The following CEP44 variants were observed in gnomAD, a reference collection of about 807,000 sequenced individuals.
CEP44 encodes centrosomal protein 44.
Under a neutral mutation model 46.7 loss-of-function variants are expected in CEP44, and 45 were observed. The observed-to-expected ratio is 0.96, with a 90% CI of 0.76 to 1.24. CEP44 has a LOEUF of 1.24. CEP44 is among the 50% of genes most tolerant of loss of function. CEP44 has a pLI of 0.00. For synonymous variants in CEP44, 142 were observed against 146.0 expected, an observed-to-expected ratio of 0.97 and a Z score of 0.20; for missense variants, 475 against 459.7, an observed-to-expected ratio of 1.03 and a Z score of -0.30.
chr4:174,303,406 C>T (rs1739987897), intron 4 of CEP44, among the ~76,000 whole-genome samples: 1 of 152,122 alleles, frequency 6.6e-6, no homozygotes, highest in South Asian at 2.1e-4. Context: ...AGAAGTTTTT[C>T]TAATATCTCT....
rs771488885 is a variant in CEP44 at position 174,317,423 on chromosome 4, A to G, written c.*40A>G. 1.5e-6 allele frequency: 2 copies of G among 1,355,474 alleles called. No individual in the cohort carries two copies. Among genetic ancestry groups the G allele is most frequent in the East Asian group, 2.6e-5 (1 of 38,688 alleles). The allele number at this position is 1,355,474 out of a possible 1,614,324, so 84.0% of individuals were successfully genotyped here. On this transcript the variant is annotated 3_prime_UTR_variant, in exon 12 of 12. Coordinates refer to ENST00000503780, the MANE Select transcript of CEP44 (RefSeq NM_001040157.3). ...ACTTTTTTCTAGGACTTTGGTTACT[A>G]TACATATTGTATATTTTAAGAATTC...
rs897587345 is a variant in CEP44, at chr4:174,309,629, T to G, written c.679-221T>G. On this transcript the variant is annotated intron_variant, in intron 7 of 11. Coordinates refer to ENST00000503780, the MANE Select transcript of CEP44 (RefSeq NM_001040157.3). The surrounding 1 kb of genome is among the most constrained non-coding windows in gnomAD (Gnocchi z 5.3). ...GAATCATATGAAATAGATACTGCTCTTATCTCTTTTTTTTTAATGAGGAAA... is the reference window on the plus strand; with the variant it reads ...GAATCATATGAAATAGATACTGCTCGTATCTCTTTTTTTTTAATGAGGAAA... Among the ~76,000 whole-genome samples, 2 of 151,856 alleles carry G rather than the reference T, an allele frequency of 1.3e-5. No individual in the cohort carries two copies. Among genetic ancestry groups the G allele is most frequent in the Admixed American group, 1.3e-4 (2 of 15,198 alleles).
At chr4:174,328,920 G>A (rs1731161146) in intron 8 of CEP44, among the ~76,000 whole-genome samples, 1 of 151,924 alleles carries the variant, frequency 6.6e-6, no homozygotes, top group Non-Finnish European at 1.5e-5. Context: ...AGATCAGTGT[G>A]TACAAGAGTA....
At chr4:174,306,077 G>A (rs1579117465) in intron 6 of CEP44, among the ~76,000 whole-genome samples, 1 of 152,060 alleles carries the variant, frequency 6.6e-6, no homozygotes, top group East Asian at 1.9e-4. Flanking sequence ...CAATATTAAA[G>A]CAAATTGTCT....
At chr4:174,313,787 G>T (rs1741362449) in intron 9 of CEP44, among the ~76,000 whole-genome samples, 1 of 152,096 alleles carries the variant, frequency 6.6e-6, no homozygotes, top group East Asian at 1.9e-4. Context: ...GTGAAGGAGA[G>T]TAAGGAAGGT....
chr4:174,292,780 A>G (rs11942947), intron 1 of CEP44, among the ~76,000 whole-genome samples: 68,244 of 151,264 alleles, frequency 0.45, 16,137 homozygotes, highest in Non-Finnish European at 0.49. Flanking sequence ...TTTTTATTTC[A>G]TTTTCTATCT....
chr4:174,324,377 CAT>C (rs1273894121), downstream of CEP44, among the ~76,000 whole-genome samples: 1 of 152,098 alleles, frequency 6.6e-6, no homozygotes, highest in Non-Finnish European at 1.5e-5. Flanking sequence ...TCTCTGGACA[CAT>C]GTTTTTACCT....
intron 1 of CEP44, among the ~76,000 whole-genome samples, chr4:174,295,938 G>A (rs1011846865): frequency 2.0e-5 from 3 of 152,052 alleles, no homozygotes; most frequent in African/African-American, 7.2e-5. Flanking sequence ...CTTTTTCTAC[G>A]TCCGTTGATA....
In CEP44 at chr4:174,288,577, C is replaced by T. The variant is rs1198023854; in HGVS notation, c.-148+4634C>T. Among the ~76,000 whole-genome samples the T allele has an allele frequency of 6.6e-6, 1 of 152,124 alleles. No individual in the cohort carries two copies. The highest frequency in any genetic ancestry group is 1.5e-5 in the Non-Finnish European group (1 of 68,024). ...CACTTAGCATAATGTCCTTCAGGTT[C>T]ATCCATGTTGTTGCAAATGGCAGGA... is the stretch of plus-strand genomic sequence containing the variant. On this transcript the variant is annotated intron_variant, in intron 1 of 11. Transcript: ENST00000503780. The surrounding 1 kb of genome is among the most constrained non-coding windows in gnomAD (Gnocchi z 4.6).
rs1260804663 is a variant in CEP44, at chr4:174,317,863, AAAAC to A, written c.*484_*487del. The A allele has an allele frequency of 8.1e-6, 8 of 985,712 alleles. No homozygotes were observed. In the African/African-American group the frequency reaches 1.4e-4, roughly 17 times the overall value. The allele number at this position is 985,712 out of a possible 1,614,324, so 61.1% of individuals were successfully genotyped here. A position where few individuals can be genotyped will look rare whatever the true frequency, so the allele number is the denominator to read the frequency against. On this transcript the variant is annotated 3_prime_UTR_variant, in exon 12 of 12. Transcript: ENST00000503780. The stretch of plus-strand genomic sequence containing the variant: ...TAAAAATGCTCATTGAAAATTAAAT[AAAAC>A]AAAAAGGCAGTTATTTCATGCTTGG...
intron 6 of CEP44, among the ~76,000 whole-genome samples, chr4:174,305,760 C>T (rs2126610253): frequency 6.6e-6 from 1 of 152,140 alleles, no homozygotes; most frequent in South Asian, 2.1e-4. Context: ...TTTTTTGTAC[C>T]TTCATTTTGC....
In CEP44 at chr4:174,301,199, G is replaced by A. The variant is rs534781440; in HGVS notation, c.90-840G>A. 6.6e-6 allele frequency among the ~76,000 whole-genome samples: 1 copy of A among 152,244 alleles called. No homozygotes were observed. The highest frequency in any genetic ancestry group is 6.5e-5 in the Admixed American group (1 of 15,294). ...TTTGGAAAACATTTGCTTTATATAA[G>A]TACAAAATACTGCAATTGAACAAAT... On this transcript the variant is annotated intron_variant, in intron 3 of 11. Coordinates refer to ENST00000503780, the MANE Select transcript of CEP44 (RefSeq NM_001040157.3). This position sits in a 1 kb window ranked among gnomAD's most constrained non-coding sequence, Gnocchi z 4.3.
chr4:174,294,173 A>G (rs1738562330), intron 1 of CEP44, among the ~76,000 whole-genome samples: 1 of 150,822 alleles, frequency 6.6e-6, no homozygotes, highest in African/African-American at 2.4e-5. Context: ...TGGTTTTCCT[A>G]TGCAGAGGAC....
At chr4:174,317,001 A>G (rs1333912240) in intron 11 of CEP44, among the ~76,000 whole-genome samples, 1 of 151,836 alleles carries the variant, frequency 6.6e-6, no homozygotes, top group Non-Finnish European at 1.5e-5. Flanking sequence ...GTTTTTGTCT[A>G]GTACAAATGG....
At chr4:174,316,951 G>A (rs542066890) in intron 11 of CEP44, among the ~76,000 whole-genome samples, 1 of 151,844 alleles carries the variant, frequency 6.6e-6, no homozygotes, top group Admixed American at 6.6e-5. Context: ...AATATCACTG[G>A]TGTTTTTCGG....
chr4:174,289,849 T>C (rs1474674530), intron 1 of CEP44, among the ~76,000 whole-genome samples: 1 of 151,878 alleles, frequency 6.6e-6, no homozygotes, highest in African/African-American at 2.4e-5. Context: ...TTTTTTTTTT[T>C]TCTTTGAGAC....
intron 10 of CEP44, 79 bp downstream of exon 10, chr4:174,316,369 C>T: frequency 6.8e-7 from 1 of 1,468,260 alleles, no homozygotes; most frequent in Non-Finnish European, 9.5e-7. Flanking sequence ...ATATTGCTAG[C>T]AAGAAAAATA....
At position 174,331,290 on chromosome 4, in the gene CEP44, C is replaced by A. The variant is rs1054604148; in HGVS notation, c.1087-192C>A. On this transcript the variant is annotated intron_variant, in intron 8 of 8. Transcript: ENST00000426172. The surrounding 1 kb of genome is among the most constrained non-coding windows in gnomAD (Gnocchi z 4.5). ...AGCTGTTTATTCTGGTATCTAACAA[C>A]ATATTTCTAAATAATATGATTGTCA... Among the ~76,000 whole-genome samples the A allele has an allele frequency of 6.6e-6, 1 of 150,976 alleles. No individual in the cohort carries two copies. Among genetic ancestry groups the A allele is most frequent in the African/African-American group, 2.4e-5 (1 of 41,128 alleles).
Position 174,301,010 on chromosome 4 carries a change from G to A in CEP44, c.90-1029G>A, listed in dbSNP as rs1030188324. ...TCAGATAGACAAGGTTGCCAGAGGA[G>A]TTTTCTGATTGGGTGAAATATTACA... On this transcript the variant is annotated intron_variant, in intron 3 of 11. Coordinates refer to ENST00000503780, the MANE Select transcript of CEP44 (RefSeq NM_001040157.3). This position sits in a 1 kb window ranked among gnomAD's most constrained non-coding sequence, Gnocchi z 4.3. 2.0e-5 allele frequency among the ~76,000 whole-genome samples: 3 copies of A among 151,934 alleles called. No homozygotes were observed.
Sources: allele counts gnomAD v4.1 joint callset (sites outside exome capture counted in the v4.1 genomes callset), GRCh38; gene constraint gnomAD v4.1.1; non-coding constraint Gnocchi (gnomAD v3.1); transcripts MANE v1.5; gene names NCBI Gene and HGNC (gene_info 2026-07-23, HGNC 2026-07-21).